The following ADAMTSL1 variants were observed in gnomAD, a reference collection of about 807,000 sequenced individuals.
ADAMTSL1 encodes the protein ADAMTS-like protein 1.
In ADAMTSL1, 126 loss-of-function variants were observed where a neutral mutation model predicts 201.8. The ratio of observed to expected loss-of-function variants is 0.62; its 90% confidence interval spans 0.54 to 0.72. The LOEUF (loss-of-function observed/expected upper bound fraction) is 0.72, where lower values mean the gene tolerates loss of function less well. ADAMTSL1 is among the 30% of genes least tolerant of loss of function. ADAMTSL1 has a pLI of 0.00. For missense variants in ADAMTSL1, 2,679 were observed against 2,277.8 expected, an observed-to-expected ratio of 1.18 and a Z score of -3.59; for synonymous variants, 1,121 against 903.4, an observed-to-expected ratio of 1.24 and a Z score of -4.32.
At chr9:18,244,971 C>A (rs1440456821) in intron 2 of ADAMTSL1, among the ~76,000 whole-genome samples, 2 of 152,134 alleles carry the variant, frequency 1.3e-5, no homozygotes, top group Non-Finnish European at 2.9e-5. Context: ...CAAACAACTA[C>A]TAAAAAGTAA....
At chr9:18,627,996 A>G (rs1265650307) in intron 5 of ADAMTSL1, among the ~76,000 whole-genome samples, 2 of 152,178 alleles carry the variant, frequency 1.3e-5, no homozygotes, top group Admixed American at 1.3e-4. Flanking sequence ...ACTAGGTACA[A>G]GTCCTTTGTG....
chr9:18,513,297 A>G (rs1272767193), intron 2 of ADAMTSL1, among the ~76,000 whole-genome samples: 1 of 152,202 alleles, frequency 6.6e-6, no homozygotes, highest in Non-Finnish European at 1.5e-5. Context: ...TTGAATGGCA[A>G]GTACTATTTC....
intron 12 of ADAMTSL1, among the ~76,000 whole-genome samples, chr9:18,684,172 A>G (rs1273244666): frequency 1.3e-5 from 2 of 152,242 alleles, no homozygotes; most frequent in Non-Finnish European, 2.9e-5. Context: ...ATTTGCACAT[A>G]TTCCAATTGT....
At chr9:18,261,444 C>A (rs765217726) in intron 2 of ADAMTSL1, among the ~76,000 whole-genome samples, 1 of 152,186 alleles carries the variant, frequency 6.6e-6, no homozygotes. Context: ...TGAAATCCCT[C>A]AGGAAGCTCG....
At chr9:18,853,918 T>TGTGTGTGTGTGTGTGCACGC in intron 23 of ADAMTSL1, among the ~76,000 whole-genome samples, 1 of 145,490 alleles carries the variant, frequency 6.9e-6, no homozygotes, top group Admixed American at 6.8e-5. Context: ...TGTGTGTGTG[T>TGTGTGTGTGTGTGTGCACGC]GCGCGTGCAT....
Position 18,122,453 on chromosome 9 carries a change from A to G in ADAMTSL1, c.88-41409A>G, listed in dbSNP as rs546949091. Among the ~76,000 whole-genome samples, 3 of 152,296 alleles carry G rather than the reference A, an allele frequency of 2.0e-5. No individual in the cohort carries two copies. In the South Asian group the frequency reaches 6.2e-4, roughly 32 times the overall value. On this transcript the variant is annotated intron_variant, in intron 1 of 29. Coordinates refer to the ADAMTSL1 transcript ENST00000680146. Reference sequence around the variant, plus strand: ...AGGGCCCAGGACTTTTGCTGTTTCTATGGATTCCTCCTTTCTCTTAGAATG... The same window carrying G: ...AGGGCCCAGGACTTTTGCTGTTTCTGTGGATTCCTCCTTTCTCTTAGAATG...
chr9:18,366,627 ATTTTTTTTTTTTTTT>A lies in ADAMTSL1; in HGVS notation c.208-138176_208-138162del, dbSNP rs772034324. On this transcript the variant is annotated intron_variant, in intron 2 of 29. Transcript: ENST00000680146. ...ATGGATAGTGCCTCTGAAATCACTA[ATTTTTTTTTTTTTTT>A]TTTTTTTTTTTTTTTTTTTTTTTTT... 5.2e-4 allele frequency among the ~76,000 whole-genome samples: 59 copies of A among 112,824 alleles called. 1 individual carries two copies. The highest frequency in any genetic ancestry group is 1.9e-3 in the African/African-American group (55 of 29,084). 74.0% of individuals were successfully genotyped at this position (112,824 alleles called of 152,430 possible). A position where few individuals can be genotyped will look rare whatever the true frequency, so the allele number is the denominator to read the frequency against.
intron 16 of ADAMTSL1, among the ~76,000 whole-genome samples, chr9:18,762,413 A>G (rs1268578172): frequency 6.6e-6 from 1 of 152,166 alleles, no homozygotes; most frequent in African/African-American, 2.4e-5. Flanking sequence ...GGTACATGAG[A>G]TGTTTTGATA....
intron 1 of ADAMTSL1, among the ~76,000 whole-genome samples, chr9:17,979,590 ACTTT>A (rs149813058): frequency 1.6e-3 from 236 of 151,460 alleles, no homozygotes; most frequent in African/African-American, 5.5e-3. Flanking sequence ...TTGGTACTGA[ACTTT>A]CTTAAGACAG....
intron 1 of ADAMTSL1, among the ~76,000 whole-genome samples, chr9:18,129,154 G>T (rs1704838692): frequency 6.6e-6 from 1 of 152,108 alleles, no homozygotes; most frequent in Admixed American, 6.5e-5. Context: ...TATGATTAAA[G>T]GAGACAAAAG....
chr9:18,877,193 T>C (rs1828217138), intron 23 of ADAMTSL1, among the ~76,000 whole-genome samples: 1 of 152,222 alleles, frequency 6.6e-6, no homozygotes, highest in South Asian at 2.1e-4. Flanking sequence ...CTTTCTCTGG[T>C]GCCTCCTTGA....
rs866419050 is a variant in ADAMTSL1 at position 18,008,957 on chromosome 9, C to T, written c.87+102035C>T. The stretch of plus-strand genomic sequence containing the variant: ...TAGATTTGCTGGAACAGGGCATCAT[C>T]GATCCAAAGGAAGAGAGGACTGGAC... On this transcript the variant is annotated intron_variant, in intron 1 of 29. Coordinates refer to the ADAMTSL1 transcript ENST00000680146. Among the ~76,000 whole-genome samples, 55 of 151,962 alleles carry T rather than the reference C, an allele frequency of 3.6e-4. 1 individual carries two copies. The highest frequency in any genetic ancestry group is 1.2e-3 in the African/African-American group (50 of 41,412).
Position 18,751,912 on chromosome 9 carries a change from A to C in ADAMTSL1, c.2007-1386A>C, listed in dbSNP as rs1476678840. Among the ~76,000 whole-genome samples the C allele has an allele frequency of 6.1e-4, 2 of 3,302 alleles. 1 individual carries two copies. Among genetic ancestry groups the C allele is most frequent in the East Asian group, 7.7e-3 (2 of 260 alleles). 2.2% of individuals were successfully genotyped at this position (3,302 alleles called of 152,430 possible). On this transcript the variant is annotated intron_variant, in intron 15 of 28. Transcript: ENST00000380548. Reference sequence around the variant, plus strand: ...GAGGCCATCCCGGCTAAAACGGTGAAACCCCGTCTCTACTAAAAATACAAA... The same window carrying C: ...GAGGCCATCCCGGCTAAAACGGTGACACCCCGTCTCTACTAAAAATACAAA...
At chr9:18,431,614 G>T (rs1819493597) in intron 2 of ADAMTSL1, among the ~76,000 whole-genome samples, 1 of 152,058 alleles carries the variant, frequency 6.6e-6, no homozygotes, top group Non-Finnish European at 1.5e-5. Context: ...ACATTCTTTG[G>T]CAGATGGTCA....
chr9:18,087,896 T>A (rs1823837839), intron 1 of ADAMTSL1, among the ~76,000 whole-genome samples: 1 of 152,106 alleles, frequency 6.6e-6, no homozygotes, highest in Admixed American at 6.6e-5. Flanking sequence ...CAGTTGCCTA[T>A]CTCAGGAATT....
chr9:18,381,122 G>A (rs1441047163), intron 2 of ADAMTSL1, among the ~76,000 whole-genome samples: 2 of 152,304 alleles, frequency 1.3e-5, no homozygotes, highest in East Asian at 3.9e-4. Context: ...AAATGCTTTG[G>A]GGTGAAATGA....
intron 2 of ADAMTSL1, among the ~76,000 whole-genome samples, chr9:18,191,444 C>T (rs1828965695): frequency 6.6e-6 from 1 of 152,132 alleles, no homozygotes; most frequent in Admixed American, 6.5e-5. Flanking sequence ...CACACTAAGC[C>T]ACTTTCTTCT....
intron 15 of ADAMTSL1, among the ~76,000 whole-genome samples, chr9:18,724,919 T>TC (rs397702131): frequency 6.6e-6 from 1 of 151,404 alleles, no homozygotes; most frequent in African/African-American, 2.4e-5. Flanking sequence ...CTTTTTTTTT[T>TC]CTTTTGAGAC....
intron 2 of ADAMTSL1, among the ~76,000 whole-genome samples, chr9:18,223,634 T>C (rs1383489614): frequency 1.3e-5 from 2 of 152,122 alleles, no homozygotes; most frequent in African/African-American, 4.8e-5. Context: ...TCTAATAATA[T>C]CTTACTACTT....
Sources: gnomAD v4.1 joint callset for allele counts (sites outside exome capture counted in the v4.1 genomes callset) on GRCh38, gnomAD v4.1.1 for gene constraint, MANE v1.5 for transcripts, NCBI Gene and HGNC (gene_info 2026-07-23, HGNC 2026-07-21) for gene names.